DMXL1: variants seen among roughly 807,000 people sequenced by gnomAD.
DMXL1 encodes the protein dmX-like protein 1.
In DMXL1, 99 loss-of-function variants were observed where a neutral mutation model predicts 319.2. The ratio of observed to expected loss-of-function variants is 0.31; its 90% CI spans 0.26 to 0.37. The LOEUF is 0.37. Among genes scored for constraint, DMXL1 ranks in the 10% least tolerant of loss-of-function variants. DMXL1 has a pLI of 1.00. For missense variants in DMXL1, 3,745 were observed against 3,595.6 expected (o/e 1.04, Z -1.06); for synonymous variants, 1,385 against 1,235.2 (o/e 1.12, Z -2.54).
chr5:119,171,695 T>C, intron 24 of DMXL1, 83 bp from the exon 25 acceptor site: 1 of 1,153,690 alleles, frequency 8.7e-7, no homozygotes, highest in Non-Finnish European at 1.2e-6. Context: ...TTTTGAAGTG[T>C]TTTAAAGAGC....
chr5:119,166,481 A>C, intron 21 of DMXL1, 135 bp from the exon 22 acceptor site: 2 of 662,738 alleles, frequency 3.0e-6, no homozygotes, highest in Non-Finnish European at 5.0e-6. Context: ...CTGGGAAAAG[A>C]AGCAGATACA....
intron 33 of DMXL1, among the ~76,000 whole-genome samples, chr5:119,204,039 G>T (rs942272720): frequency 2.4e-4 from 36 of 151,902 alleles, no homozygotes; most frequent in African/African-American, 8.2e-4. Context: ...AGCCAGGATG[G>T]TCTCGATCTC....
intron 9 of DMXL1, chr5:119,128,358 C>G (rs1764057495): frequency 3.6e-6 from 1 of 280,418 alleles, no homozygotes; most frequent in Non-Finnish European, 7.0e-6. Flanking sequence ...TGGAAAATCC[C>G]ACGTAGACTT....
At chr5:119,167,453 C>T in intron 22 of DMXL1, 150 bp from the exon 23 acceptor site, 2 of 648,368 alleles carry the variant, frequency 3.1e-6, no homozygotes, top group Non-Finnish European at 5.1e-6. Flanking sequence ...AATCTAAAAG[C>T]AAGCAGCATA....
intron 38 of DMXL1, among the ~76,000 whole-genome samples, chr5:119,232,440 A>G (rs1786931779): frequency 6.6e-6 from 1 of 152,124 alleles, no homozygotes; most frequent in African/African-American, 2.4e-5. Flanking sequence ...TACTACCTCC[A>G]TACCACATTA....
chr5:119,075,074 T>C (rs1353739931), intron 1 of DMXL1, among the ~76,000 whole-genome samples: 2 of 152,194 alleles, frequency 1.3e-5, no homozygotes, highest in African/African-American at 4.8e-5. Context: ...GTTATATTTA[T>C]TGTAATGCCT....
intron 1 of DMXL1, among the ~76,000 whole-genome samples, chr5:119,073,830 C>A (rs372492487): frequency 1.8e-4 from 28 of 152,070 alleles, no homozygotes; most frequent in East Asian, 1.7e-3. Flanking sequence ...CACTTATATA[C>A]ACCTTAAATT....
chr5:119,116,376 C>T (rs746975580), intron 7 of DMXL1, 40 bp downstream of exon 7: 2 of 1,572,170 alleles, frequency 1.3e-6, no homozygotes, highest in Non-Finnish European at 1.7e-6. Flanking sequence ...ATTAAGGGAG[C>T]ATCATCTTTG....
intron 4 of DMXL1, among the ~76,000 whole-genome samples, chr5:119,109,366 C>G (rs1759063706): frequency 6.6e-6 from 1 of 152,166 alleles, no homozygotes; most frequent in Non-Finnish European, 1.5e-5. Context: ...TTGACTGCCC[C>G]TCTTCCAGTT....
At chr5:119,098,228 A>T in intron 2 of DMXL1, 124 bp downstream of exon 2, 1 of 1,181,162 alleles carries the variant, frequency 8.5e-7, no homozygotes, top group South Asian at 1.5e-5. Context: ...GTGTAGCTAG[A>T]AGAATTTTTG....
At chr5:119,229,669 T>C (rs2150657642) in intron 38 of DMXL1, among the ~76,000 whole-genome samples, 1 of 152,298 alleles carries the variant, frequency 6.6e-6, no homozygotes, top group Non-Finnish European at 1.5e-5. Flanking sequence ...CATCTTACTT[T>C]CCTGACATAC....
At chr5:119,210,757 G>GTTTTTTTTTTTTTTTTTTTTTTCTT in intron 34 of DMXL1, among the ~76,000 whole-genome samples, 302 of 89,702 alleles carry the variant, frequency 3.4e-3, no homozygotes, top group East Asian at 5.2e-3. Flanking sequence ...TTTTTCTTTC[G>GTTTTTTTTTTTTTTTTTTTTTTCTT]TTTTTTTTTT....
Position 119,178,245 on chromosome 5 carries a change from G to C in DMXL1, c.7135+1G>C. On this transcript the variant is annotated splice_donor_variant, in intron 28 of 43. Coordinates refer to ENST00000539542, the MANE Select transcript of DMXL1 (RefSeq NM_001290321.3). LOFTEE classifies it high-confidence loss of function. ...CAGACACATTCAAAAACTTTACCTG[G>C]TGAGTTTAAAAAATTTTTTTAGGAC... 6.2e-7 allele frequency: 1 copy of C among 1,608,928 alleles called. No individual in the cohort carries two copies. The highest frequency in any genetic ancestry group is 8.5e-7 in the Non-Finnish European group (1 of 1,177,460).
At chr5:119,076,639 T>C (rs1221032996) in intron 1 of DMXL1, among the ~76,000 whole-genome samples, 1 of 152,194 alleles carries the variant, frequency 6.6e-6, no homozygotes, top group South Asian at 2.1e-4. Flanking sequence ...TTATTATATT[T>C]TAAAGATAAG....
chr5:119,177,311 T>C, intron 26 of DMXL1, 46 bp from the exon 27 acceptor site: 1 of 1,299,640 alleles, frequency 7.7e-7, no homozygotes, highest in Non-Finnish European at 1.0e-6. Context: ...CATGAAAATA[T>C]TATATAAAAT....
chr5:119,121,888 G>C (rs1448717389), intron 9 of DMXL1, among the ~76,000 whole-genome samples: 8 of 149,736 alleles, frequency 5.3e-5, no homozygotes, highest in African/African-American at 9.8e-5. Context: ...CCTCCTGGAC[G>C]GGGCGGCTGG....
In DMXL1 at chr5:119,189,573, T is replaced by C. The variant is rs971891859; in HGVS notation, c.7136-135T>C. ...TTCCTCTACTTATTTTCTTACCTGC[T>C]GTGTACTTTCATAATCTCAATCTTA... On this transcript the variant is annotated intron_variant, in intron 28 of 43. Transcript: ENST00000539542. The C allele has an allele frequency of 9.2e-6, 7 of 764,922 alleles. No individual in the cohort carries two copies. In the African/African-American group the frequency reaches 1.1e-4, roughly 12 times the overall value. 47.4% of individuals were successfully genotyped at this position (764,922 alleles called of 1,614,324 possible). A position where few individuals can be genotyped will look rare whatever the true frequency, so the allele number is the denominator to read the frequency against.
intron 32 of DMXL1, among the ~76,000 whole-genome samples, chr5:119,202,373 T>C (rs1780860137): frequency 6.6e-6 from 1 of 152,188 alleles, no homozygotes; most frequent in East Asian, 1.9e-4. Context: ...TAAAGTTTTA[T>C]TGGATTATAG....
Position 119,150,190 on chromosome 5 carries a change from G to C in DMXL1, c.4363G>C (p.Asp1455His). 6.2e-7 allele frequency: 1 copy of C among 1,613,716 alleles called. No individual in the cohort carries two copies. The highest frequency in any genetic ancestry group is 1.1e-5 in the South Asian group (1 of 91,028). Residue 1455 changes from aspartate (D) to histidine (H), a missense_variant, in exon 18 of 44, where the codon GAT becomes CAT. By Grantham distance (81) the Asp-to-His change is moderately conservative. Transcript: ENST00000539542. The part of the protein sequence containing the change: ...ELFQTQLLMT[D>H]THMLETDEEN... ...TTTTCAGACTCAACTTCTAATGACTGATACTCATATGTTAGAGACAGATGA... is the reference window on the plus strand; with the variant it reads ...TTTTCAGACTCAACTTCTAATGACTCATACTCATATGTTAGAGACAGATGA...
Sources: gnomAD v4.1 joint callset for allele counts (sites outside exome capture counted in the v4.1 genomes callset) on GRCh38, gnomAD v4.1.1 for gene constraint, MANE v1.5 for transcripts, NCBI Gene and HGNC (gene_info 2026-07-23, HGNC 2026-07-21) for gene names.